Variants in STXBP4 observed in about 807,000 individuals in gnomAD.
STXBP4 encodes syntaxin binding protein 4.
Under a neutral mutation model 76.1 loss-of-function variants are expected in STXBP4, and 55 were observed. That is an observed-to-expected ratio of 0.72 (90% CI 0.58 to 0.91). STXBP4 has a LOEUF of 0.91. STXBP4 is among the 40% of genes least tolerant of loss of function. The pLI, the probability that STXBP4 is intolerant of heterozygous loss-of-function variation, is 0.00. For missense variants in STXBP4, 618 were observed against 636.9 expected, an observed-to-expected ratio of 0.97 and a Z score of 0.32; for synonymous variants, 201 against 220.2, an observed-to-expected ratio of 0.91 and a Z score of 0.77.
Position 55,164,149 on chromosome 17 carries a change from C to T in STXBP4, c.*4238C>T, listed in dbSNP as rs140666653. ...TAAACAGAATGTGCCTGTGGAGCTT[C>T]GCTTTAGAAATGAAATACCCAAGGT... On this transcript the variant is annotated 3_prime_UTR_variant, in exon 18 of 18. Transcript: ENST00000376352. 20 of 152,280 alleles carry T rather than the reference C, an allele frequency of 1.3e-4. No individual in the cohort carries two copies. The highest frequency in any genetic ancestry group is 3.4e-4 in the African/African-American group (14 of 41,568). The allele number at this position is 152,280 out of a possible 1,614,324, so 9.4% of individuals were successfully genotyped here. A position where few individuals can be genotyped will look rare whatever the true frequency, so the allele number is the denominator to read the frequency against.
intron 12 of STXBP4, among the ~76,000 whole-genome samples, chr17:55,072,177 C>T (rs937770712): frequency 3.3e-5 from 5 of 152,140 alleles, no homozygotes; most frequent in African/African-American, 1.2e-4. Context: ...GATTCTGGCA[C>T]TGCTGTGTGT....
chr17:54,999,108 A>T (rs1296104671), intron 4 of STXBP4, among the ~76,000 whole-genome samples: 1 of 152,092 alleles, frequency 6.6e-6, no homozygotes, highest in Non-Finnish European at 1.5e-5. Context: ...CATATTAAGA[A>T]TTCTTTACCA....
intron 12 of STXBP4, among the ~76,000 whole-genome samples, chr17:55,072,084 G>A (rs2079126820): frequency 6.6e-6 from 1 of 152,060 alleles, no homozygotes; most frequent in South Asian, 2.1e-4. Context: ...ACCTGTATGG[G>A]GTTTTTTTGT....
intron 12 of STXBP4, among the ~76,000 whole-genome samples, chr17:55,070,965 T>C (rs1030344006): frequency 1.3e-5 from 2 of 152,160 alleles, no homozygotes; most frequent in African/African-American, 4.8e-5. Flanking sequence ...CTAGATGCAG[T>C]GGCTGCTAAA....
In STXBP4 at chr17:54,990,965, T is replaced by G; in HGVS notation, c.180+8T>G. The stretch of plus-strand genomic sequence containing the variant: ...GGAGGAGACTGTTATAAGGTAAAAA[T>G]ATGTCCCATGCCCACCAAAAATACA... On this transcript the variant is annotated splice_region_variant and intron_variant, in intron 4 of 17. Coordinates refer to ENST00000376352, the MANE Select transcript of STXBP4 (RefSeq NM_178509.6). 2 of 1,544,082 alleles carry G rather than the reference T, an allele frequency of 1.3e-6. No homozygotes were observed.
chr17:55,022,283 G>C (rs2078326344), intron 8 of STXBP4, among the ~76,000 whole-genome samples: 3 of 151,186 alleles, frequency 2.0e-5, no homozygotes, highest in Admixed American at 2.0e-4. Context: ...CAGTATCAAG[G>C]CATATATACT....
chr17:55,095,238 T>C (rs1281631011), intron 16 of STXBP4, among the ~76,000 whole-genome samples: 11 of 152,198 alleles, frequency 7.2e-5, no homozygotes. Context: ...TGGTAAAATA[T>C]AGTCAATTAT....
intron 8 of STXBP4, among the ~76,000 whole-genome samples, chr17:55,014,305 C>T (rs1384837688): frequency 6.6e-6 from 1 of 152,104 alleles, no homozygotes; most frequent in Non-Finnish European, 1.5e-5. Flanking sequence ...GGACAACAAA[C>T]GGGTGTTCCT....
chr17:55,114,240 A>T (rs916880483), intron 16 of STXBP4, among the ~76,000 whole-genome samples: 1 of 152,072 alleles, frequency 6.6e-6, no homozygotes, highest in Non-Finnish European at 1.5e-5. Context: ...TTGGAAGCCA[A>T]CCTTACTCCT....
chr17:55,101,694 T>C (rs1380578591), intron 16 of STXBP4, among the ~76,000 whole-genome samples: 3 of 152,250 alleles, frequency 2.0e-5, no homozygotes, highest in South Asian at 4.1e-4. Flanking sequence ...TATTTATTTA[T>C]GTACAAGGAA....
At chr17:55,061,642 C>T (rs1451121037) in intron 12 of STXBP4, among the ~76,000 whole-genome samples, 1 of 152,162 alleles carries the variant, frequency 6.6e-6, no homozygotes, top group Non-Finnish European at 1.5e-5. Context: ...CCACATCCTA[C>T]CTGCTCCCCT....
intron 16 of STXBP4, among the ~76,000 whole-genome samples, chr17:55,131,687 A>C (rs902258182): frequency 6.6e-6 from 1 of 152,106 alleles, no homozygotes; most frequent in Non-Finnish European, 1.5e-5. Flanking sequence ...TTTTTTCCCA[A>C]TAGTTCCATT....
chr17:55,140,151 A>T (rs934039416), intron 16 of STXBP4, among the ~76,000 whole-genome samples: 23 of 152,168 alleles, frequency 1.5e-4, no homozygotes, highest in East Asian at 5.8e-4. Flanking sequence ...AAAAAAATTT[A>T]AAAAAGATTA....
At chr17:55,187,246 G>A in the STXBP4 span, among the ~76,000 whole-genome samples, 1 of 152,142 alleles carries the variant, frequency 6.6e-6, no homozygotes, top group African/African-American at 2.4e-5. Context: ...GAGGCAGGAT[G>A]TCCATGTATA....
intron 12 of STXBP4, among the ~76,000 whole-genome samples, chr17:55,047,822 T>C (rs2078809815): frequency 6.6e-6 from 1 of 151,848 alleles, no homozygotes; most frequent in Non-Finnish European, 1.5e-5. Flanking sequence ...TGAATATGAC[T>C]ATGTGACAAA....
the STXBP4 span, among the ~76,000 whole-genome samples, chr17:55,193,749 C>A: frequency 1.3e-5 from 2 of 150,146 alleles, no homozygotes; most frequent in Non-Finnish European, 3.0e-5. Context: ...GTTTTGGAAC[C>A]CTCCATCATT....
At chr17:55,018,215 C>T (rs1414375778) in intron 8 of STXBP4, among the ~76,000 whole-genome samples, 6 of 152,132 alleles carry the variant, frequency 3.9e-5, no homozygotes, top group Non-Finnish European at 7.3e-5. Flanking sequence ...TCGATTAGGA[C>T]GCACCCGGGC....
At chr17:55,174,708 C>T (rs2080422646), downstream of STXBP4, among the ~76,000 whole-genome samples, 1 of 152,134 alleles carries the variant, frequency 6.6e-6, no homozygotes, top group Non-Finnish European at 1.5e-5. Context: ...TTTAGGTTGG[C>T]CTAGACCACA....
chr17:55,090,850 T>G (rs993652749), intron 16 of STXBP4, among the ~76,000 whole-genome samples: 6 of 7,044 alleles, frequency 8.5e-4, no homozygotes, highest in African/African-American at 7.1e-3. Context: ...TGTGTGTGTG[T>G]GTGTCTGTGT....
Sources: allele counts gnomAD v4.1 joint callset (sites outside exome capture counted in the v4.1 genomes callset), GRCh38; gene constraint gnomAD v4.1.1; transcripts MANE v1.5; gene names NCBI Gene and HGNC (gene_info 2026-07-23, HGNC 2026-07-21).